Variants in BAZ2B observed in about 807,000 individuals in gnomAD.
BAZ2B encodes bromodomain adjacent to zinc finger domain protein 2B.
Under a neutral mutation model 246.0 loss-of-function variants are expected in BAZ2B, and 91 were observed. The ratio of observed to expected loss-of-function variants is 0.37; its 90% CI spans 0.31 to 0.44. BAZ2B has a LOEUF of 0.44. Ranked by LOEUF, BAZ2B falls within the 20% of genes least tolerant of loss-of-function variation. The pLI is 1.00. For synonymous variants in BAZ2B, 855 were observed against 860.0 expected, an observed-to-expected ratio of 0.99 and a Z score of 0.10; for missense variants, 2,332 against 2,533.7, an observed-to-expected ratio of 0.92 and a Z score of 1.71.
At chr2:159,485,616 C>T (rs1042028168) in intron 2 of BAZ2B, among the ~76,000 whole-genome samples, 1 of 152,010 alleles carries the variant, frequency 6.6e-6, no homozygotes, top group African/African-American at 2.4e-5. Context: ...ATACTAGTTT[C>T]CTTACCTAAA....
At chr2:159,656,101 G>A in the BAZ2B span, among the ~76,000 whole-genome samples, 2 of 151,982 alleles carry the variant, frequency 1.3e-5, no homozygotes, top group African/African-American at 4.8e-5. Context: ...TTTATTTTTA[G>A]TAACTTGCCT....
At chr2:159,642,269 G>T in the BAZ2B span, among the ~76,000 whole-genome samples, 6 of 126,086 alleles carry the variant, frequency 4.8e-5, no homozygotes, top group Non-Finnish European at 7.9e-5. Flanking sequence ...ACAAAGTCTC[G>T]CTCTGTCACC....
At chr2:159,386,683 G>A in intron 21 of BAZ2B, 76 bp from the exon 22 acceptor site, 1 of 1,422,208 alleles carries the variant, frequency 7.0e-7, no homozygotes, top group South Asian at 1.5e-5. Flanking sequence ...ATCTTCTAAA[G>A]TAAAATAAGC....
chr2:159,709,500 A>G, the BAZ2B span, among the ~76,000 whole-genome samples: 5 of 152,242 alleles, frequency 3.3e-5, no homozygotes, highest in Non-Finnish European at 7.3e-5. Flanking sequence ...GATGATGGTT[A>G]TCCTAAATAC....
At chr2:159,475,982 C>T (rs1156953632) in intron 3 of BAZ2B, among the ~76,000 whole-genome samples, 4 of 152,100 alleles carry the variant, frequency 2.6e-5, no homozygotes, top group South Asian at 2.1e-4. Context: ...CTGTCACTGC[C>T]GCTAGGAGGT....
At chr2:159,478,772 A>G in intron 2 of BAZ2B, 51 bp from the exon 3 acceptor site, 1 of 1,354,088 alleles carries the variant, frequency 7.4e-7, no homozygotes, top group African/African-American at 1.5e-5. Context: ...AAATTTTTTC[A>G]AAAGAATTCA....
intron 27 of BAZ2B, among the ~76,000 whole-genome samples, chr2:159,355,881 A>AG (rs1457108601): frequency 6.6e-6 from 1 of 152,324 alleles, no homozygotes; most frequent in East Asian, 1.9e-4. Flanking sequence ...AGGAAGTGCA[A>AG]GGGGTCCGGG....
intron 8 of BAZ2B, among the ~76,000 whole-genome samples, chr2:159,436,102 G>C (rs2072236161): frequency 1.3e-5 from 2 of 152,060 alleles, no homozygotes; most frequent in Non-Finnish European, 2.9e-5. Flanking sequence ...AGAAAAATTA[G>C]TGTGTTTTCG....
the BAZ2B span, among the ~76,000 whole-genome samples, chr2:159,667,586 ACT>A: frequency 6.8e-6 from 1 of 147,628 alleles, no homozygotes; most frequent in African/African-American, 2.5e-5. Flanking sequence ...ACAGAGTGTG[ACT>A]CTGTCTCAAA....
intron 13 of BAZ2B, among the ~76,000 whole-genome samples, chr2:159,427,633 A>C (rs2070215232): frequency 6.6e-6 from 1 of 152,140 alleles, no homozygotes; most frequent in Non-Finnish European, 1.5e-5. Flanking sequence ...TCAGAAAACT[A>C]ATGTTTTCCT....
intron 4 of BAZ2B, among the ~76,000 whole-genome samples, chr2:159,450,821 C>G: frequency 6.6e-6 from 1 of 151,426 alleles, no homozygotes; most frequent in Non-Finnish European, 1.5e-5. Context: ...CTCACTGCAA[C>G]CTCCATCTCC....
intron 2 of BAZ2B, among the ~76,000 whole-genome samples, chr2:159,528,830 G>A (rs958139650): frequency 6.6e-6 from 1 of 151,862 alleles, no homozygotes; most frequent in Non-Finnish European, 1.5e-5. Flanking sequence ...GATGTTCTTT[G>A]AAGGAAGGGT....
chr2:159,400,198 A>G (rs1220413852), intron 17 of BAZ2B, among the ~76,000 whole-genome samples: 2 of 152,180 alleles, frequency 1.3e-5, no homozygotes, highest in Non-Finnish European at 2.9e-5. Flanking sequence ...ATCTGATAAA[A>G]CTTTGCACAT....
At position 159,524,776 on chromosome 2, in the gene BAZ2B, C is replaced by T. The variant is rs948898586; in HGVS notation, c.-3+31047G>A. Among the ~76,000 whole-genome samples, 15 of 151,982 alleles carry T rather than the reference C, an allele frequency of 9.9e-5. No homozygotes were observed. In the East Asian group the frequency reaches 2.5e-3, roughly 25 times the overall value. Reference sequence around the variant, plus strand: ...TATTTTCCTAAATAAATCCAATCGGCGAAGTTAGAAGTAACTAAGGTTATC... The same window carrying T: ...TATTTTCCTAAATAAATCCAATCGGTGAAGTTAGAAGTAACTAAGGTTATC... On this transcript the variant is annotated intron_variant, in intron 2 of 36. Coordinates refer to ENST00000392783, the MANE Select transcript of BAZ2B (RefSeq NM_013450.4).
chr2:159,403,719 G>A (rs944303840), intron 16 of BAZ2B, among the ~76,000 whole-genome samples: 1 of 152,110 alleles, frequency 6.6e-6, no homozygotes, highest in East Asian at 1.9e-4. Context: ...AGTACACTGT[G>A]TAGTTGGATG....
intron 2 of BAZ2B, among the ~76,000 whole-genome samples, chr2:159,495,520 A>G: frequency 6.7e-6 from 1 of 148,668 alleles, no homozygotes; most frequent in Non-Finnish European, 1.5e-5. Flanking sequence ...AAAAAAATTT[A>G]ATATGAAAAA....
chr2:159,512,691 T>C lies in BAZ2B; in HGVS notation c.-2-33970A>G, dbSNP rs529299596. 7.9e-5 allele frequency among the ~76,000 whole-genome samples: 12 copies of C among 152,268 alleles called. No individual in the cohort carries two copies. In the South Asian group the frequency reaches 2.1e-3, roughly 26 times the overall value. ...TCACAGTATAGTACAAACAAAAAGATGATGATAATAGCAGCTGTAATTTTC... is the reference window on the plus strand; with the variant it reads ...TCACAGTATAGTACAAACAAAAAGACGATGATAATAGCAGCTGTAATTTTC... On this transcript the variant is annotated intron_variant, in intron 2 of 36. Transcript: ENST00000392783.
intron 27 of BAZ2B, among the ~76,000 whole-genome samples, chr2:159,359,760 A>G (rs2059489590): frequency 6.6e-6 from 1 of 152,212 alleles, no homozygotes; most frequent in African/African-American, 2.4e-5. Context: ...ATCTGCCCTG[A>G]TCAAGTTGGC....
At chr2:159,626,087 A>G in the BAZ2B span, among the ~76,000 whole-genome samples, 2 of 152,160 alleles carry the variant, frequency 1.3e-5, no homozygotes, top group African/African-American at 4.8e-5. Context: ...AAAGAAGGCC[A>G]TTACATAATA....
Sources: gnomAD v4.1 joint callset for allele counts (sites outside exome capture counted in the v4.1 genomes callset) on GRCh38, gnomAD v4.1.1 for gene constraint, MANE v1.5 for transcripts, NCBI Gene and HGNC (gene_info 2026-07-23, HGNC 2026-07-21) for gene names.